CYTH4: variants seen among roughly 807,000 people sequenced by gnomAD.
CYTH4 encodes the protein cytohesin 4.
A neutral mutation model predicts 57.5 loss-of-function variants in CYTH4; 22 were observed. That is an observed-to-expected ratio of 0.38 (90% CI 0.27 to 0.55). The LOEUF (loss-of-function observed/expected upper bound fraction) is 0.55, where lower values mean the gene tolerates loss of function less well. CYTH4 is among the 20% of genes least tolerant of loss of function. CYTH4 has a pLI of 0.74. For missense variants in CYTH4, 420 were observed against 535.6 expected (o/e 0.78, Z 2.13); for synonymous variants, 186 against 206.5 (o/e 0.90, Z 0.85).
At chr22:37,308,492 G>A (rs1929489076) in intron 8 of CYTH4, among the ~76,000 whole-genome samples, 1 of 152,196 alleles carries the variant, frequency 6.6e-6, no homozygotes, top group African/African-American at 2.4e-5. Flanking sequence ...ACGTGTGCAT[G>A]TGTGTACATG....
At chr22:37,301,679 A>G (rs1385407799) in intron 7 of CYTH4, among the ~76,000 whole-genome samples, 1 of 137,040 alleles carries the variant, frequency 7.3e-6, no homozygotes, top group Non-Finnish European at 1.5e-5. Context: ...AAGCCACTCA[A>G]TCCTTTTTTT....
rs3213557 is a variant in CYTH4, at chr22:37,282,524, G to C, written c.-46G>C. ...GGCCAGCCCGAACAGCAGCTGGGTC[G>C]GCAAGCGACAGGAGCACGGGTCATC... is the stretch of plus-strand genomic sequence containing the variant. On this transcript the variant is annotated 5_prime_UTR_variant, in exon 1 of 13. Transcript: ENST00000248901. 1 of 1,612,342 alleles carries C rather than the reference G, an allele frequency of 6.2e-7. No homozygotes were observed. Among genetic ancestry groups the C allele is most frequent in the Non-Finnish European group, 8.5e-7 (1 of 1,179,390 alleles).
In CYTH4 at chr22:37,299,320, G is replaced by A. The variant is rs756526727; in HGVS notation, c.434+14G>A. ...CCAGGCCCTCAGGTGAGTAGTCCTG[G>A]GGCAGGGTCCCGGCCCTCAAGGGTG... On this transcript the variant is annotated intron_variant, in intron 6 of 12. Coordinates refer to ENST00000248901, the MANE Select transcript of CYTH4 (RefSeq NM_013385.5). 8.1e-6 allele frequency: 13 copies of A among 1,613,482 alleles called. No individual in the cohort carries two copies. Among genetic ancestry groups the A allele is most frequent in the Admixed American group, 1.7e-5 (1 of 60,000 alleles).
intron 8 of CYTH4, among the ~76,000 whole-genome samples, chr22:37,305,922 C>T (rs1224742470): frequency 6.6e-6 from 1 of 150,574 alleles, no homozygotes; most frequent in African/African-American, 2.5e-5. Flanking sequence ...CAACCTTGCT[C>T]TGGCCATCCA....
Position 37,298,907 on chromosome 22 carries a change from C to T in CYTH4, c.354-319C>T, listed in dbSNP as rs947743028. ...GGGGCTGGGAAGGTCAAGTGGCTTC[C>T]GCGAGGTCACCAGGTGGGAAGTTAC... On this transcript the variant is annotated intron_variant, in intron 5 of 12. Transcript: ENST00000248901. This position sits in a 1 kb window ranked among gnomAD's most constrained non-coding sequence, Gnocchi z 4.1. 6.6e-5 allele frequency among the ~76,000 whole-genome samples: 10 copies of T among 152,080 alleles called. No individual in the cohort carries two copies. Among genetic ancestry groups the T allele is most frequent in the African/African-American group, 1.7e-4 (7 of 41,402 alleles).
chr22:37,311,681 G>T lies in CYTH4; in HGVS notation c.957+154G>T. 1.3e-6 allele frequency: 1 copy of T among 773,422 alleles called. No individual in the cohort carries two copies. Among genetic ancestry groups the T allele is most frequent in the South Asian group, 1.6e-5 (1 of 63,174 alleles). 47.9% of individuals were successfully genotyped at this position (773,422 alleles called of 1,614,324 possible). On this transcript the variant is annotated intron_variant, in intron 11 of 12. Transcript: ENST00000248901. The surrounding 1 kb of genome is among the most constrained non-coding windows in gnomAD (Gnocchi z 4.4). ...CTCAGGGCTGCCTTCTCTCCCTCCTGGGGCCATGGACAGTGAGAAAAGGTC... is the reference window on the plus strand; with the variant it reads ...CTCAGGGCTGCCTTCTCTCCCTCCTTGGGCCATGGACAGTGAGAAAAGGTC...
chr22:37,290,362 G>A (rs1424091678), intron 1 of CYTH4, among the ~76,000 whole-genome samples: 1 of 152,128 alleles, frequency 6.6e-6, no homozygotes, highest in African/African-American at 2.4e-5. Flanking sequence ...GTGGAACCAG[G>A]GAGTCATTGC....
intron 1 of CYTH4, among the ~76,000 whole-genome samples, chr22:37,282,913 A>G (rs1328024686): frequency 1.3e-5 from 2 of 152,164 alleles, no homozygotes; most frequent in Non-Finnish European, 2.9e-5. Flanking sequence ...GGAAGACAGG[A>G]ATGCATGGTG....
chr22:37,310,934 G>A, intron 9 of CYTH4, 54 bp from the exon 10 acceptor site: 1 of 1,590,566 alleles, frequency 6.3e-7, no homozygotes, highest in Non-Finnish European at 8.6e-7. Context: ...CCTGGAGGAG[G>A]TGTCAGTGGC....
intron 9 of CYTH4, among the ~76,000 whole-genome samples, chr22:37,309,799 A>T (rs895646205): frequency 1.3e-5 from 2 of 152,104 alleles, no homozygotes; most frequent in Non-Finnish European, 2.9e-5. Flanking sequence ...TCCCTAAAGG[A>T]GGGGAGGAAG....
At chr22:37,297,953 G>A in intron 5 of CYTH4, 1 of 288,786 alleles carries the variant, frequency 3.5e-6, no homozygotes, top group Non-Finnish European at 6.7e-6. Context: ...GAATAAGACA[G>A]ACAAAACTCT....
chr22:37,292,656 T>A lies in CYTH4; in HGVS notation c.55T>A (p.Leu19Ile). Residue 19 changes from leucine to isoleucine, a missense_variant, in exon 2 of 13, where the codon TTA (leucine) becomes ATA (isoleucine). Physicochemically the swap from Leu to Ile is conservative, Grantham distance 5. Coordinates refer to ENST00000248901, the MANE Select transcript of CYTH4 (RefSeq NM_013385.5). ...AELSSGETEELQRIKWHRKQL... is the reference protein window; with the variant it reads ...AELSSGETEEIQRIKWHRKQL... ...GCTGAGCAGCGGGGAGACGGAAGAG[T>A]TACAGAGGATCAAGTGGCACCGAAA... 6.2e-7 allele frequency: 1 copy of A among 1,612,768 alleles called. No homozygotes were observed.
intron 1 of CYTH4, among the ~76,000 whole-genome samples, chr22:37,284,822 C>T (rs902858015): frequency 1.1e-4 from 17 of 152,334 alleles, no homozygotes; most frequent in East Asian, 5.8e-4. Context: ...CGCCCTCCCC[C>T]AGGGCCTGCC....
chr22:37,285,070 G>A (rs1928501622), intron 1 of CYTH4, among the ~76,000 whole-genome samples: 2 of 152,200 alleles, frequency 1.3e-5, no homozygotes, highest in Non-Finnish European at 2.9e-5. Flanking sequence ...GACTTTGAGG[G>A]GCCTCTTTAT....
At chr22:37,284,231 T>C (rs866603735) in intron 1 of CYTH4, among the ~76,000 whole-genome samples, 2 of 152,292 alleles carry the variant, frequency 1.3e-5, no homozygotes, top group Non-Finnish European at 2.9e-5. Context: ...GGTCTTTTCA[T>C]TCATTCACTC....
rs933565682 is a variant in CYTH4 at position 37,286,341 on chromosome 22, CTG to C, written c.19+3754_19+3755del. Among the ~76,000 whole-genome samples the C allele has an allele frequency of 5.9e-5, 9 of 152,304 alleles. No homozygotes were observed. The South Asian group carries it at 8.3e-4, about 14-fold the overall frequency. ...ACCTTTGGCAGGACACTTCACGTCT[CTG>C]AGTCTCAGGGGCCTCACCTGTAGGA... On this transcript the variant is annotated intron_variant, in intron 1 of 12. Transcript: ENST00000248901.
In CYTH4 at chr22:37,313,342, C is replaced by T. The variant is rs543754028; in HGVS notation, c.1113-97C>T. 9.5e-6 allele frequency: 12 copies of T among 1,267,568 alleles called. 1 individual carries two copies. The East Asian group carries it at 2.3e-4, about 24-fold the overall frequency. The allele number at this position is 1,267,568 out of a possible 1,614,324, so 78.5% of individuals were successfully genotyped here. A position where few individuals can be genotyped will look rare whatever the true frequency, so the allele number is the denominator to read the frequency against. ...CCCCCGCGGCAGAGCAGGCTGACAC[C>T]TCCCTGGGAATCCCATGCCCCTGAT... On this transcript the variant is annotated intron_variant, in intron 12 of 12. Transcript: ENST00000248901.
At position 37,295,072 on chromosome 22, in the gene CYTH4, G is replaced by A. The variant is rs1928903671; in HGVS notation, c.167+348G>A. On this transcript the variant is annotated intron_variant, in intron 3 of 12. Coordinates refer to ENST00000248901, the MANE Select transcript of CYTH4 (RefSeq NM_013385.5). The surrounding 1 kb of genome is among the most constrained non-coding windows in gnomAD (Gnocchi z 4.1). Reference sequence around the variant, plus strand: ...GCTCAGCCCCAAGGGCAAGGACAAGGAAGCCCAGGGCCCCAGGAGGACAGG... The same window carrying A: ...GCTCAGCCCCAAGGGCAAGGACAAGAAAGCCCAGGGCCCCAGGAGGACAGG... Among the ~76,000 whole-genome samples, 1 of 152,144 alleles carries A rather than the reference G, an allele frequency of 6.6e-6. No individual in the cohort carries two copies. Among genetic ancestry groups the A allele is most frequent in the African/African-American group, 2.4e-5 (1 of 41,412 alleles).
intron 1 of CYTH4, among the ~76,000 whole-genome samples, chr22:37,287,294 G>C (rs1928593371): frequency 6.6e-6 from 1 of 152,008 alleles, no homozygotes; most frequent in Non-Finnish European, 1.5e-5. Flanking sequence ...AGCTTCAGGA[G>C]CCCCATCACT....
Sources: allele counts gnomAD v4.1 joint callset (sites outside exome capture counted in the v4.1 genomes callset), GRCh38; gene constraint gnomAD v4.1.1; non-coding constraint Gnocchi (gnomAD v3.1); transcripts MANE v1.5; gene names NCBI Gene and HGNC (gene_info 2026-07-23, HGNC 2026-07-21).